Variants in CUX1 observed in about 807,000 individuals in gnomAD.
The protein encoded by CUX1 is protein CASP.
Under a neutral mutation model 158.8 loss-of-function variants are expected in CUX1, and 31 were observed. The ratio of observed to expected loss-of-function variants is 0.20; its 90% CI spans 0.15 to 0.26. CUX1 has a LOEUF of 0.26. Ranked by LOEUF, CUX1 falls within the 10% of genes least tolerant of loss-of-function variation. The pLI is 1.00. For synonymous variants in CUX1, 879 were observed against 862.1 expected, an observed-to-expected ratio of 1.02 and a Z score of -0.34; for missense variants, 1,589 against 2,014.6, an observed-to-expected ratio of 0.79 and a Z score of 4.04.
chr7:102,059,727 AGT>A (rs1824573042), intron 3 of CUX1, among the ~76,000 whole-genome samples: 1 of 152,016 alleles, frequency 6.6e-6, no homozygotes, highest in Admixed American at 6.6e-5. Context: ...GCTGACTTCT[AGT>A]GTTTAATGTG....
intron 2 of CUX1, among the ~76,000 whole-genome samples, chr7:101,927,147 AAC>A (rs10584842): frequency 0.35 from 52,343 of 149,248 alleles, 9,635 homozygotes; most frequent in Non-Finnish European, 0.43. Flanking sequence ...CTGTCAACAC[AAC>A]ACACACACAC....
At chr7:101,831,139 G>A (rs1793951554) in intron 1 of CUX1, among the ~76,000 whole-genome samples, 1 of 152,122 alleles carries the variant, frequency 6.6e-6, no homozygotes, top group Admixed American at 6.6e-5. Flanking sequence ...ACAGGGCAGG[G>A]GTTTGGGAAG....
chr7:102,257,358 C>T lies in CUX1; in HGVS notation c.*8316C>T, dbSNP rs1554542399. 1.0e-6 allele frequency: 1 copy of T among 983,916 alleles called. No homozygotes were observed. The highest frequency in any genetic ancestry group is 1.2e-6 in the Non-Finnish European group (1 of 829,630). 60.9% of individuals were successfully genotyped at this position (983,916 alleles called of 1,614,324 possible). On this transcript the variant is annotated 3_prime_UTR_variant, in exon 24 of 24. Coordinates refer to ENST00000292535, the MANE Select transcript of CUX1 (RefSeq NM_181552.4). ...AGTCTATGCATTTCTCTCTCTCAAA[C>T]CATCTTCTGCCTCTTCCCTTGAGAA...
upstream of CUX1, among the ~76,000 whole-genome samples, chr7:101,816,380 C>A (rs1381656353): frequency 3.8e-4 from 55 of 144,216 alleles, 1 homozygote; most frequent in African/African-American, 1.3e-3. Flanking sequence ...TGTCTGCCCC[C>A]ACCCCGGGCG....
chr7:102,018,136 C>A (rs10238199), intron 2 of CUX1, among the ~76,000 whole-genome samples: 63,929 of 151,318 alleles, frequency 0.42, 14,062 homozygotes, highest in Non-Finnish European at 0.46. Flanking sequence ...TTTTTAGAAA[C>A]TTTTTGTAGA....
At chr7:102,089,187 TTA>T (rs1554481495) in intron 4 of CUX1, among the ~76,000 whole-genome samples, 4 of 152,214 alleles carry the variant, frequency 2.6e-5, no homozygotes, top group African/African-American at 7.2e-5. Flanking sequence ...ATTTGATTCT[TTA>T]TGTTTTCTGT....
intron 14 of CUX1, 65 bp from the exon 15 acceptor site, chr7:102,196,568 TG>T: frequency 7.2e-7 from 1 of 1,394,462 alleles, no homozygotes; most frequent in South Asian, 2.0e-5. Flanking sequence ...TTTTGCATTT[TG>T]GTCTTGGTTT....
chr7:102,026,094 G>A (rs747412503), intron 2 of CUX1, among the ~76,000 whole-genome samples: 5 of 151,380 alleles, frequency 3.3e-5, no homozygotes, highest in Admixed American at 1.3e-4. Context: ...TGGGAGGATC[G>A]CTTGAACCCA....
At chr7:102,161,053 A>G (rs1421517754) in intron 9 of CUX1, 1 of 152,232 alleles carries the variant, frequency 6.6e-6, no homozygotes, top group Non-Finnish European at 1.5e-5. Flanking sequence ...ATGCCAGAGT[A>G]AAAAGTAGAT....
At chr7:102,117,267 G>A (rs1444679961) in intron 8 of CUX1, among the ~76,000 whole-genome samples, 7 of 151,950 alleles carry the variant, frequency 4.6e-5, no homozygotes, top group Middle Eastern at 3.2e-3. Context: ...GCATGGTGGC[G>A]TGCGCCTGTA....
At chr7:101,819,418 C>A (rs1792230304) in intron 1 of CUX1, among the ~76,000 whole-genome samples, 1 of 152,184 alleles carries the variant, frequency 6.6e-6, no homozygotes, top group Non-Finnish European at 1.5e-5. Flanking sequence ...TGGTGACCAG[C>A]CTTCCCCTTT....
intron 1 of CUX1, among the ~76,000 whole-genome samples, chr7:101,841,722 G>T (rs1795214527): frequency 6.6e-6 from 1 of 151,884 alleles, no homozygotes; most frequent in Admixed American, 6.6e-5. Flanking sequence ...ACCACGCCCA[G>T]CTGAGTTTTG....
At chr7:102,237,883 C>T (rs1012792770) in intron 22 of CUX1, among the ~76,000 whole-genome samples, 3 of 140,336 alleles carry the variant, frequency 2.1e-5, no homozygotes, top group Non-Finnish European at 3.1e-5. Context: ...GGTAAGGCCA[C>T]GTGGGTCACA....
rs782162970 is a variant in CUX1, at chr7:102,201,388, C to T, written c.2091C>T (p.Ser697=). 1.5e-5 allele frequency: 24 copies of T among 1,613,730 alleles called. No individual in the cohort carries two copies. The highest frequency in any genetic ancestry group is 2.7e-5 in the African/African-American group (2 of 74,926). The change falls in exon 18 of 24, where the codon TCC becomes TCT. Residue 697 remains serine, a synonymous_variant. Transcript: ENST00000292535. The surrounding 1 kb of genome is among the most constrained non-coding windows in gnomAD (Gnocchi z 5.0). The part of the protein sequence containing the change: ...TAEPAQPSSA[S]GSGNSDDAIR... ...AGCCGGCCCAGCCTTCCTCCGCATC[C>T]GGCAGCGGGAACTCTGATGACGCCA...
At chr7:101,827,244 CCTTCTCTTCT>C (rs538996031) in intron 1 of CUX1, among the ~76,000 whole-genome samples, 13,615 of 129,742 alleles carry the variant, frequency 0.1, 755 homozygotes, top group Non-Finnish European at 0.13. Flanking sequence ...CCCCTCCCCT[CCTTCTCTTCT>C]CTTCTCTTCT....
At chr7:101,993,505 T>TA (rs1188115070) in intron 2 of CUX1, among the ~76,000 whole-genome samples, 1 of 152,158 alleles carries the variant, frequency 6.6e-6, no homozygotes, top group African/African-American at 2.4e-5. Flanking sequence ...GGGGAGCACT[T>TA]ACCTTTTCAT....
intron 4 of CUX1, among the ~76,000 whole-genome samples, chr7:102,085,680 G>A (rs1258097769): frequency 6.6e-6 from 1 of 152,126 alleles, no homozygotes; most frequent in Non-Finnish European, 1.5e-5. Flanking sequence ...GTCTTTATTA[G>A]CAGTATGAGA....
chr7:101,844,679 G>T (rs768176456), intron 1 of CUX1, among the ~76,000 whole-genome samples: 24 of 152,048 alleles, frequency 1.6e-4, no homozygotes, highest in Non-Finnish European at 1.9e-4. Flanking sequence ...GCAGCAGCAC[G>T]ATCTTGGCTC....
At chr7:102,273,379 G>C in exon 15 of CUX1, 6 of 1,612,240 alleles carry the variant, frequency 3.7e-6, no homozygotes, top group Non-Finnish European at 5.1e-6. Flanking sequence ...GCTGTGCGGA[G>C]CTGCAAGTCC....
Sources: allele counts gnomAD v4.1 joint callset (sites outside exome capture counted in the v4.1 genomes callset), GRCh38; gene constraint gnomAD v4.1.1; non-coding constraint Gnocchi (gnomAD v3.1); transcripts MANE v1.5; gene names NCBI Gene and HGNC (gene_info 2026-07-23, HGNC 2026-07-21).